The following AXDND1 variants were observed in gnomAD, a reference collection of about 807,000 sequenced individuals.
AXDND1 encodes the protein axonemal dynein light chain domain containing 1, also known as axonemal dynein light chain domain-containing protein 1.
In AXDND1, 110 loss-of-function variants were observed where a neutral mutation model predicts 137.5. The ratio of observed to expected loss-of-function variants is 0.80; its 90% confidence interval spans 0.69 to 0.94. The LOEUF (loss-of-function observed/expected upper bound fraction) is 0.94. Among genes scored for constraint, AXDND1 ranks in the 40% least tolerant of loss-of-function variants. The probability of loss-of-function intolerance (pLI) is 0.00; values close to 1 mark genes in which losing one functional copy is unlikely to be tolerated. For missense variants in AXDND1, 1,191 were observed against 1,169.8 expected (o/e 1.02, Z -0.26); for synonymous variants, 414 against 399.7 (o/e 1.04, Z -0.43).
At chr1:179,512,663 A>G (rs762211840) in intron 21 of AXDND1, among the ~76,000 whole-genome samples, 3 of 151,916 alleles carry the variant, frequency 2.0e-5, no homozygotes, top group Non-Finnish European at 4.4e-5. Flanking sequence ...CAGTATGGCT[A>G]TTTTCACAGT....
chr1:179,544,686 A>AAAAG (rs1180417860), intron 25 of AXDND1: 5 of 150,576 alleles, frequency 3.3e-5, no homozygotes, highest in Middle Eastern at 3.4e-3. Flanking sequence ...AAAAAAAAAA[A>AAAAG]AAAGAAAAAG....
chr1:179,480,240 G>A (rs1463958793), intron 17 of AXDND1, among the ~76,000 whole-genome samples: 1 of 152,174 alleles, frequency 6.6e-6, no homozygotes, highest in Admixed American at 6.5e-5. Flanking sequence ...AGGAAAAGGG[G>A]TTTAATTGAC....
intron 25 of AXDND1, chr1:179,552,560 G>C (rs771086185): frequency 6.7e-7 from 1 of 1,485,726 alleles, no homozygotes; most frequent in Admixed American, 1.7e-5. Context: ...CCACGAGCAG[G>C]CCTTCCTAAA....
intron 2 of AXDND1, among the ~76,000 whole-genome samples, chr1:179,366,995 G>C (rs973841121): frequency 3.9e-5 from 6 of 151,908 alleles, no homozygotes; most frequent in African/African-American, 1.5e-4. Flanking sequence ...CGAGGTGGGC[G>C]GATCACTTGA....
At chr1:179,444,577 A>G (rs1417322532) in intron 15 of AXDND1, among the ~76,000 whole-genome samples, 1 of 151,582 alleles carries the variant, frequency 6.6e-6, no homozygotes, top group African/African-American at 2.4e-5. Context: ...ATAAAATACA[A>G]CTTGTATATT....
intron 9 of AXDND1, among the ~76,000 whole-genome samples, chr1:179,388,620 C>T (rs1475395206): frequency 6.6e-6 from 1 of 151,354 alleles, no homozygotes; most frequent in Admixed American, 6.6e-5. Context: ...GACAGGATCT[C>T]GCTGTGGCCC....
At chr1:179,454,034 A>C (rs960419208) in intron 16 of AXDND1, 1 of 152,274 alleles carries the variant, frequency 6.6e-6, no homozygotes, top group Non-Finnish European at 1.5e-5. Context: ...CTTTTAAGTT[A>C]ATGCTGAAAT....
At chr1:179,409,873 G>GTT in intron 11 of AXDND1, among the ~76,000 whole-genome samples, 1 of 149,766 alleles carries the variant, frequency 6.7e-6, no homozygotes, top group East Asian at 2.0e-4. Flanking sequence ...TATCTCCAGT[G>GTT]TTTTTTTTTT....
chr1:179,522,219 C>T lies in AXDND1; in HGVS notation c.2497-3115C>T, dbSNP rs555246891. Among the ~76,000 whole-genome samples, 7 of 152,238 alleles carry T rather than the reference C, an allele frequency of 4.6e-5. No individual in the cohort carries two copies. In the East Asian group the frequency reaches 1.4e-3, roughly 29 times the overall value. On this transcript the variant is annotated intron_variant, in intron 21 of 25. Coordinates refer to ENST00000367618, the MANE Select transcript of AXDND1 (RefSeq NM_144696.6). ...ATTGCATCCTGAATAATTTTTCTGG[C>T]TTACTATCCAGTTCACTAATTTGCC...
intron 15 of AXDND1, among the ~76,000 whole-genome samples, chr1:179,444,127 T>C (rs1285967925): frequency 6.6e-6 from 1 of 151,950 alleles, no homozygotes; most frequent in Non-Finnish European, 1.5e-5. Flanking sequence ...GTCATACCTC[T>C]TCAATTTAGG....
intron 20 of AXDND1, among the ~76,000 whole-genome samples, chr1:179,507,835 G>T (rs546384479): frequency 1.8e-4 from 27 of 151,500 alleles, no homozygotes; most frequent in Middle Eastern, 3.5e-3. Context: ...AACTAATTAG[G>T]TGAAGTTAGG....
chr1:179,552,732 C>T, intron 25 of AXDND1: 1 of 1,402,910 alleles, frequency 7.1e-7, no homozygotes, highest in Non-Finnish European at 1.0e-6. Context: ...GATTTAGGGG[C>T]CAAAGCTTTC....
At chr1:179,511,660 C>T (rs1339076186) in intron 21 of AXDND1, among the ~76,000 whole-genome samples, 3 of 152,124 alleles carry the variant, frequency 2.0e-5, no homozygotes, top group Non-Finnish European at 2.9e-5. Flanking sequence ...AGTGGCTCTA[C>T]TAGTTTACAT....
chr1:179,459,994 T>TCCTTCCTTCCTCTTCTC (rs1553278286), intron 16 of AXDND1, among the ~76,000 whole-genome samples: 1 of 138,250 alleles, frequency 7.2e-6, no homozygotes, highest in African/African-American at 2.8e-5. Context: ...TTTCTTTCCT[T>TCCTTCCTTCCTCTTCTC]CCTTCCTTCC....
At chr1:179,448,347 C>T in intron 16 of AXDND1, 1 of 705,796 alleles carries the variant, frequency 1.4e-6, no homozygotes, top group Non-Finnish European at 2.6e-6. Flanking sequence ...AGTTCATAGG[C>T]TTTCTTCATT....
At chr1:179,396,868 A>G (rs1057024237) in intron 11 of AXDND1, among the ~76,000 whole-genome samples, 12 of 152,148 alleles carry the variant, frequency 7.9e-5, no homozygotes, top group African/African-American at 2.2e-4. Flanking sequence ...TTTTGAGCAT[A>G]TGGGTGTCAT....
At chr1:179,396,092 C>T (rs371304570) in intron 11 of AXDND1, among the ~76,000 whole-genome samples, 16 of 151,456 alleles carry the variant, frequency 1.1e-4, no homozygotes, top group African/African-American at 3.6e-4. Flanking sequence ...TTGCTTGAAC[C>T]CAGGAGGCAG....
intron 6 of AXDND1, among the ~76,000 whole-genome samples, chr1:179,380,520 A>G (rs2125082281): frequency 6.6e-6 from 1 of 152,290 alleles, no homozygotes; most frequent in Admixed American, 6.5e-5. Context: ...CACATTGCAG[A>G]CTCATTATCT....
At chr1:179,518,520 T>A (rs1280231478) in intron 21 of AXDND1, among the ~76,000 whole-genome samples, 1 of 152,146 alleles carries the variant, frequency 6.6e-6, no homozygotes, top group South Asian at 2.1e-4. Flanking sequence ...TAGCTGTTTT[T>A]CTTGATCCTC....
Sources: allele counts gnomAD v4.1 joint callset (sites outside exome capture counted in the v4.1 genomes callset), GRCh38; gene constraint gnomAD v4.1.1; transcripts MANE v1.5; gene names NCBI Gene and HGNC (gene_info 2026-07-23, HGNC 2026-07-21).